DMXL1: variants seen among roughly 807,000 people sequenced by gnomAD.
The protein encoded by DMXL1 is Dmx like 1.
A neutral mutation model predicts 319.2 loss-of-function variants in DMXL1; 99 were observed. The observed-to-expected ratio is 0.31, with a 90% CI of 0.26 to 0.37. The LOEUF is 0.37. Among genes scored for constraint, DMXL1 ranks in the 10% least tolerant of loss-of-function variants. The pLI is 1.00. For missense variants in DMXL1, 3,745 were observed against 3,595.6 expected, an observed-to-expected ratio of 1.04 and a Z score of -1.06; for synonymous variants, 1,385 against 1,235.2, an observed-to-expected ratio of 1.12 and a Z score of -2.54.
rs546035853 is a variant in DMXL1, at chr5:119,071,302, C to T, written c.-268C>T. ...TGGCCGGTGAGGGGACCCTGAGCTT[C>T]ACCTGGGCTAGCGCGGGGAGTGACA... On this transcript the variant is annotated 5_prime_UTR_variant, in exon 1 of 44. Coordinates refer to ENST00000539542, the MANE Select transcript of DMXL1 (RefSeq NM_001290321.3). 12 of 471,454 alleles carry T rather than the reference C, an allele frequency of 2.5e-5. No individual in the cohort carries two copies. Among genetic ancestry groups the T allele is most frequent in the South Asian group, 1.4e-4 (6 of 44,358 alleles). The allele number at this position is 471,454 out of a possible 1,614,324, so 29.2% of individuals were successfully genotyped here. A position where few individuals can be genotyped will look rare whatever the true frequency, so the allele number is the denominator to read the frequency against.
chr5:119,132,619 G>T (rs1179958427), intron 10 of DMXL1: 3 of 331,440 alleles, frequency 9.1e-6, no homozygotes, highest in African/African-American at 4.4e-5. Context: ...AGAGGTTGCA[G>T]TGAGCTGAGA....
At chr5:119,123,427 A>G (rs1228579977) in intron 9 of DMXL1, among the ~76,000 whole-genome samples, 20 of 73,822 alleles carry the variant, frequency 2.7e-4, no homozygotes, top group Non-Finnish European at 3.3e-4. Context: ...AGGGAGAGGG[A>G]GAGGAGGGAG....
At chr5:119,083,470 A>T (rs1025829446) in intron 1 of DMXL1, among the ~76,000 whole-genome samples, 1 of 151,992 alleles carries the variant, frequency 6.6e-6, no homozygotes, top group Admixed American at 6.6e-5. Context: ...TGTCTTTTTG[A>T]TGTACTGAAT....
chr5:119,114,145 A>G lies in DMXL1; in HGVS notation c.498-330A>G, dbSNP rs866922934. On this transcript the variant is annotated intron_variant, in intron 5 of 43. Coordinates refer to ENST00000539542, the MANE Select transcript of DMXL1 (RefSeq NM_001290321.3). ...ATTATCCATGAAAATGTATGTTGGCATATAGGGATCCATGGTTCTGGAAAC... is the reference window on the plus strand; with the variant it reads ...ATTATCCATGAAAATGTATGTTGGCGTATAGGGATCCATGGTTCTGGAAAC... 7.9e-5 allele frequency among the ~76,000 whole-genome samples: 12 copies of G among 152,344 alleles called. No homozygotes were observed. The East Asian group carries it at 1.3e-3, about 17-fold the overall frequency.
chr5:119,154,430 G>A (rs1234804281), intron 19 of DMXL1, among the ~76,000 whole-genome samples: 1 of 152,238 alleles, frequency 6.6e-6, no homozygotes, highest in African/African-American at 2.4e-5. Context: ...CTTATGTGGA[G>A]AAAGTTTGAG....
At chr5:119,198,053 A>G (rs935298514) in intron 32 of DMXL1, 97 bp downstream of exon 32, 4 of 1,150,822 alleles carry the variant, frequency 3.5e-6, no homozygotes, top group East Asian at 4.7e-5. Flanking sequence ...CAGTGGCACA[A>G]TCTCAGCTCA....
intron 32 of DMXL1, among the ~76,000 whole-genome samples, chr5:119,200,281 C>A (rs1354021467): frequency 6.6e-6 from 1 of 152,128 alleles, no homozygotes; most frequent in Non-Finnish European, 1.5e-5. Flanking sequence ...CAGTTTCAAT[C>A]TTCTGCATTT....
intron 28 of DMXL1, among the ~76,000 whole-genome samples, chr5:119,186,232 A>G (rs1268088189): frequency 6.6e-6 from 1 of 152,168 alleles, no homozygotes; most frequent in East Asian, 1.9e-4. Context: ...TGAGAAATAG[A>G]GAGTGAGACC....
At chr5:119,193,739 A>G (rs568511920) in intron 29 of DMXL1, 89 bp from the exon 30 acceptor site, 16 of 1,294,654 alleles carry the variant, frequency 1.2e-5, no homozygotes, top group Non-Finnish European at 1.7e-5. Context: ...AGTATCTGCA[A>G]ATGAGATGAA....
chr5:119,121,835 TC>T (rs1288937517), intron 9 of DMXL1, among the ~76,000 whole-genome samples: 1 of 151,458 alleles, frequency 6.6e-6, no homozygotes, highest in African/African-American at 2.4e-5. Flanking sequence ...GCAGAGGGGC[TC>T]CTCACTTCCC....
intron 1 of DMXL1, among the ~76,000 whole-genome samples, chr5:119,075,869 A>C (rs1181373308): frequency 6.6e-6 from 1 of 152,136 alleles, no homozygotes; most frequent in Non-Finnish European, 1.5e-5. Flanking sequence ...CCACCCTGCA[A>C]TTTTTGCTTT....
Position 119,134,714 on chromosome 5 carries a change from G to T in DMXL1, c.2376+325G>T, listed in dbSNP as rs547638909. Among the ~76,000 whole-genome samples, 5 of 152,310 alleles carry T rather than the reference G, an allele frequency of 3.3e-5. No individual in the cohort carries two copies. In the South Asian group the frequency reaches 1.0e-3, roughly 32 times the overall value. Reference sequence around the variant, plus strand: ...CCTGCAATTATTTTATAGGCAGGAGGAGCTGGAACAACAGGAATAGAATTT... The same window carrying T: ...CCTGCAATTATTTTATAGGCAGGAGTAGCTGGAACAACAGGAATAGAATTT... On this transcript the variant is annotated intron_variant, in intron 13 of 43. Coordinates refer to ENST00000539542, the MANE Select transcript of DMXL1 (RefSeq NM_001290321.3).
chr5:119,136,695 C>G (rs1766066774), intron 13 of DMXL1, among the ~76,000 whole-genome samples: 1 of 152,252 alleles, frequency 6.6e-6, no homozygotes, highest in Non-Finnish European at 1.5e-5. Flanking sequence ...CGTGGTACAG[C>G]TGCGGCTGTT....
At chr5:119,173,067 G>C (rs4533918) in intron 25 of DMXL1, among the ~76,000 whole-genome samples, 68,198 of 151,976 alleles carry the variant, frequency 0.45, 16,147 homozygotes, top group Middle Eastern at 0.51. Context: ...AGGCCAGTGT[G>C]GTGGTTCACG....
intron 28 of DMXL1, among the ~76,000 whole-genome samples, chr5:119,179,575 T>C (rs1310961574): frequency 2.0e-5 from 3 of 152,114 alleles, no homozygotes; most frequent in African/African-American, 7.2e-5. Context: ...GAATATTCTT[T>C]GAATGAAGCT....
intron 3 of DMXL1, chr5:119,104,378 G>T (rs967546066): frequency 1.3e-5 from 2 of 152,200 alleles, no homozygotes; most frequent in Admixed American, 6.5e-5. Context: ...TAAAGTACAG[G>T]TTTCTGTGCC....
intron 1 of DMXL1, among the ~76,000 whole-genome samples, chr5:119,093,247 G>A (rs571751622): frequency 6.6e-5 from 10 of 152,186 alleles, no homozygotes; most frequent in East Asian, 5.8e-4. Context: ...GCAGCAACAC[G>A]ATCTTGGCTC....
At chr5:119,243,136 G>A (rs1789135513) in intron 42 of DMXL1, among the ~76,000 whole-genome samples, 1 of 152,194 alleles carries the variant, frequency 6.6e-6, no homozygotes, top group African/African-American at 2.4e-5. Context: ...TTACACAGAT[G>A]TATTCATTTG....
At position 119,147,344 on chromosome 5, in the gene DMXL1, A is replaced by G. The variant is rs1394282241; in HGVS notation, c.2785A>G (p.Lys929Glu). The stretch of plus-strand genomic sequence containing the variant: ...GAAGATCCTATCTCCTTTTTCACAA[A>G]AGTATCAGGCTTGCAGAGCAAATCT... ...PEKILSPFSQ[K>E]YQACRANLQS... The change falls in exon 17 of 44, where the codon AAG becomes GAG. Residue 929 changes from lysine (K) to glutamate (E), a missense_variant. Coordinates refer to ENST00000539542, the MANE Select transcript of DMXL1 (RefSeq NM_001290321.3). 5 of 1,613,506 alleles carry G rather than the reference A, an allele frequency of 3.1e-6. No homozygotes were observed. Among genetic ancestry groups the G allele is most frequent in the Non-Finnish European group, 3.4e-6 (4 of 1,179,674 alleles).
Sources: allele counts gnomAD v4.1 joint callset (sites outside exome capture counted in the v4.1 genomes callset), GRCh38; gene constraint gnomAD v4.1.1; transcripts MANE v1.5; gene names NCBI Gene and HGNC (gene_info 2026-07-23, HGNC 2026-07-21).